Variants in NLRC5 observed in about 807,000 individuals in gnomAD.
The protein encoded by NLRC5 is NLR family CARD domain containing 5, also known as protein NLRC5.
Under a neutral mutation model 206.9 loss-of-function variants are expected in NLRC5, and 114 were observed. The ratio of observed to expected loss-of-function variants is 0.55; its 90% CI spans 0.47 to 0.64. The LOEUF (loss-of-function observed/expected upper bound fraction) is 0.64. Among genes scored for constraint, NLRC5 ranks in the 30% least tolerant of loss-of-function variants. The pLI is 0.00. For synonymous variants in NLRC5, 952 were observed against 962.8 expected (o/e 0.99, Z 0.21); for missense variants, 2,008 against 2,305.5 (o/e 0.87, Z 2.64).
intron 15 of NLRC5, among the ~76,000 whole-genome samples, chr16:57,038,065 C>T (rs1194385860): frequency 1.3e-5 from 2 of 151,856 alleles, no homozygotes; most frequent in African/African-American, 4.8e-5. Context: ...TGTGCAAACA[C>T]ATTTAGCTGT....
intron 1 of NLRC5, among the ~76,000 whole-genome samples, chr16:56,996,768 A>G (rs965287636): frequency 6.6e-6 from 1 of 152,248 alleles, no homozygotes; most frequent in Non-Finnish European, 1.5e-5. Flanking sequence ...TAATAAAGAC[A>G]TAATAAAATG....
intron 36 of NLRC5, 22 bp downstream of exon 36, chr16:57,067,850 T>G: frequency 6.3e-7 from 1 of 1,585,234 alleles, no homozygotes; most frequent in South Asian, 1.1e-5. Flanking sequence ...AGACATTCAC[T>G]CAGTCCCCTT....
rs2143000713 is a variant in NLRC5 at position 57,026,764 on chromosome 16, C to G, written c.1821C>G (p.Leu607=). 6.2e-7 allele frequency: 1 copy of G among 1,614,084 alleles called. No homozygotes were observed. The change falls in exon 6 of 49, where the codon CTC becomes CTG. Residue 607 remains leucine (L), a synonymous_variant. Transcript: ENST00000688547. Reference sequence around the variant, plus strand: ...TGAAGAAGTTGGCCACCCGCAAGCTCACAGGGCCAAAGGTTGTAGAGCTGT... The same window carrying G: ...TGAAGAAGTTGGCCACCCGCAAGCTGACAGGGCCAAAGGTTGTAGAGCTGT... ...QVLKKLATRK[L]TGPKVVELCH...
At chr16:56,998,388 C>A (rs2057879839) in intron 1 of NLRC5, among the ~76,000 whole-genome samples, 1 of 152,134 alleles carries the variant, frequency 6.6e-6, no homozygotes, top group South Asian at 2.1e-4. Context: ...AGAACTTTAT[C>A]TAAACCTTCA....
intron 2 of NLRC5, among the ~76,000 whole-genome samples, chr16:57,019,556 G>T (rs2060442051): frequency 6.6e-6 from 1 of 152,204 alleles, no homozygotes; most frequent in African/African-American, 2.4e-5. Context: ...TGTAACAGAA[G>T]TCCAAAGTCA....
chr16:56,992,103 G>A (rs1207587070), intron 1 of NLRC5: 1 of 152,254 alleles, frequency 6.6e-6, no homozygotes, highest in Non-Finnish European at 1.5e-5. Flanking sequence ...AGGACACCTA[G>A]AATGGCCAGC....
At chr16:57,029,713 C>T in intron 8 of NLRC5, 60 bp from the exon 9 acceptor site, 1 of 1,450,648 alleles carries the variant, frequency 6.9e-7, no homozygotes, top group South Asian at 1.2e-5. Flanking sequence ...CACTTGCTAA[C>T]TGGGGCTTGC....
chr16:57,041,287 C>A, intron 17 of NLRC5, 198 bp from the exon 18 acceptor site: 1 of 558,462 alleles, frequency 1.8e-6, no homozygotes, highest in Non-Finnish European at 3.2e-6. Flanking sequence ...TCTGCCCACC[C>A]TCTGCCTATA....
intron 19 of NLRC5, among the ~76,000 whole-genome samples, chr16:57,042,912 G>A (rs1411618093): frequency 6.6e-6 from 1 of 152,150 alleles, no homozygotes; most frequent in Non-Finnish European, 1.5e-5. Flanking sequence ...CTGCACCTGG[G>A]AAGGAAGGAA....
chr16:57,053,598 G>C (rs1163717550), intron 24 of NLRC5, among the ~76,000 whole-genome samples: 1 of 152,110 alleles, frequency 6.6e-6, no homozygotes, highest in Non-Finnish European at 1.5e-5. Flanking sequence ...GCGCAATCTC[G>C]GCTCACTGCA....
In NLRC5 at chr16:57,046,627, C is replaced by G. The variant is rs780558107; in HGVS notation, c.3324C>G (p.Ile1108Met). The change falls in exon 22 of 49, where the codon ATC becomes ATG. Residue 1108 changes from isoleucine (I) to methionine (M), a missense_variant. Transcript: ENST00000688547. ...AKFLGFRQRC[I>M]PRSLCLSECP... ...TCTTAGGGTTCCGTCAGCGCTGCAT[C>G]CCCAGGAGCCTCTGGTACTGTCCCA... The G allele has an allele frequency of 2.5e-6, 4 of 1,613,896 alleles. No homozygotes were observed. Among genetic ancestry groups the G allele is most frequent in the South Asian group, 2.2e-5 (2 of 91,084 alleles).
intron 34 of NLRC5, 53 bp downstream of exon 34, chr16:57,066,667 C>T (rs2067117530): frequency 4.0e-6 from 6 of 1,489,634 alleles, no homozygotes; most frequent in Non-Finnish European, 4.7e-6. Context: ...GGGGAGGGGG[C>T]AGGGCTGCTT....
intron 3 of NLRC5, among the ~76,000 whole-genome samples, chr16:57,021,356 G>T (rs2060653879): frequency 6.6e-6 from 1 of 152,102 alleles, no homozygotes; most frequent in South Asian, 2.1e-4. Context: ...GTTGGGTTTT[G>T]TTTGTTTGTT....
chr16:56,993,893 C>T (rs920380956), intron 1 of NLRC5, among the ~76,000 whole-genome samples: 6 of 148,676 alleles, frequency 4.0e-5, no homozygotes, highest in Non-Finnish European at 5.9e-5. Flanking sequence ...GAACCATATG[C>T]GTCATTGTTA....
chr16:57,015,201 T>C (rs1401508373), intron 1 of NLRC5, among the ~76,000 whole-genome samples: 1 of 152,066 alleles, frequency 6.6e-6, no homozygotes, highest in Non-Finnish European at 1.5e-5. Flanking sequence ...AGTGCTGGGA[T>C]TACAGGCGTG....
At chr16:57,061,779 C>A in intron 32 of NLRC5, 78 bp downstream of exon 32, 2 of 1,562,772 alleles carry the variant, frequency 1.3e-6, no homozygotes, top group Non-Finnish European at 1.7e-6. Context: ...TAAGAGGCCC[C>A]CAGGATCATG....
chr16:57,064,568 T>C (rs2066887272), intron 32 of NLRC5, among the ~76,000 whole-genome samples: 1 of 152,242 alleles, frequency 6.6e-6, no homozygotes, highest in Non-Finnish European at 1.5e-5. Context: ...GATCATGTTT[T>C]ATATACAGTT....
intron 33 of NLRC5, among the ~76,000 whole-genome samples, 183 bp downstream of exon 33, chr16:57,065,481 G>A (rs1448430897): frequency 6.6e-6 from 1 of 152,198 alleles, no homozygotes; most frequent in Non-Finnish European, 1.5e-5. Flanking sequence ...GACTAGTGCA[G>A]TAGTCAAGCC....
chr16:56,995,776 G>C (rs1160183985), intron 1 of NLRC5, among the ~76,000 whole-genome samples: 2 of 152,204 alleles, frequency 1.3e-5, no homozygotes, highest in Non-Finnish European at 2.9e-5. Context: ...TGTTTTGTGT[G>C]TCTCTCAATA....
Sources: allele counts gnomAD v4.1 joint callset (sites outside exome capture counted in the v4.1 genomes callset), GRCh38; gene constraint gnomAD v4.1.1; transcripts MANE v1.5; gene names NCBI Gene and HGNC (gene_info 2026-07-23, HGNC 2026-07-21).